Variants in GREM2 observed in about 807,000 individuals in gnomAD.
The protein encoded by GREM2 is gremlin-2.
Under a neutral mutation model 14.2 loss-of-function variants are expected in GREM2, and 11 were observed. The ratio of observed to expected loss-of-function variants is 0.78; its 90% confidence interval spans 0.49 to 1.28. The LOEUF (loss-of-function observed/expected upper bound fraction) is 1.28. GREM2 is among the 50% of genes most tolerant of loss of function. The pLI, the probability that GREM2 is intolerant of heterozygous loss-of-function variation, is 0.00. For synonymous variants in GREM2, 98 were observed against 97.6 expected (o/e 1.00, Z -0.02); for missense variants, 210 against 218.5 (o/e 0.96, Z 0.24).
At chr1:240,564,992 G>C (rs1679148560) in intron 1 of GREM2, among the ~76,000 whole-genome samples, 2 of 152,184 alleles carry the variant, frequency 1.3e-5, no homozygotes, top group Non-Finnish European at 2.9e-5. Context: ...CTTTTTGTCA[G>C]AGTTACATAT....
At chr1:240,547,535 A>AGACAGATAGAT (rs1678766066) in intron 1 of GREM2, among the ~76,000 whole-genome samples, 1 of 136,464 alleles carries the variant, frequency 7.3e-6, no homozygotes, top group Admixed American at 7.0e-5. Context: ...ATATATATAT[A>AGACAGATAGAT]GATAGATAGA....
intron 1 of GREM2, among the ~76,000 whole-genome samples, chr1:240,501,639 C>T (rs1677570424): frequency 6.6e-6 from 1 of 152,066 alleles, no homozygotes; most frequent in African/African-American, 2.4e-5. Context: ...TGCGTTTATA[C>T]ACAAGTGGGC....
chr1:240,541,878 G>A (rs997764397), intron 1 of GREM2, among the ~76,000 whole-genome samples: 1 of 152,154 alleles, frequency 6.6e-6, no homozygotes, highest in African/African-American at 2.4e-5. Context: ...TGAGTGCAGA[G>A]AATCCAGAAT....
At chr1:240,563,055 T>G (rs543586372) in intron 1 of GREM2, among the ~76,000 whole-genome samples, 1 of 149,136 alleles carries the variant, frequency 6.7e-6, no homozygotes, top group Non-Finnish European at 1.5e-5. Flanking sequence ...TGTATGTGTA[T>G]AGTGAGTGTG....
Position 240,492,964 on chromosome 1 carries a change from G to T in GREM2, c.*5C>A, listed in dbSNP as rs201721326. The T allele has an allele frequency of 3.3e-6, 5 of 1,517,362 alleles. No homozygotes were observed. Among genetic ancestry groups the T allele is most frequent in the East Asian group, 4.6e-5 (2 of 43,596 alleles). The allele number at this position is 1,517,362 out of a possible 1,614,324, so 94.0% of individuals were successfully genotyped here. On this transcript the variant is annotated 3_prime_UTR_variant, in exon 2 of 2. Transcript: ENST00000318160. ...CGCGGGGCTGAGCTGCGTCCGGCCC[G>T]GCGCTCACTGCTTGTCCGAGTCGCT...
At chr1:240,608,979 TC>T (rs2102876553) in intron 1 of GREM2, among the ~76,000 whole-genome samples, 1 of 152,126 alleles carries the variant, frequency 6.6e-6, no homozygotes, top group South Asian at 2.1e-4. Context: ...GCATTTATTT[TC>T]CCCCCACACC....
chr1:240,584,660 T>A (rs536099435), intron 1 of GREM2, among the ~76,000 whole-genome samples: 1 of 151,970 alleles, frequency 6.6e-6, no homozygotes, highest in Non-Finnish European at 1.5e-5. Context: ...CAGTGAGCCA[T>A]GATTTCACCA....
chr1:240,518,349 G>A (rs1045145175), intron 1 of GREM2, among the ~76,000 whole-genome samples: 7 of 152,148 alleles, frequency 4.6e-5, no homozygotes, highest in East Asian at 1.9e-4. Flanking sequence ...AAAAATTGCC[G>A]TTTTGAAATA....
At chr1:240,581,958 G>T (rs1330232465) in intron 1 of GREM2, among the ~76,000 whole-genome samples, 1 of 152,204 alleles carries the variant, frequency 6.6e-6, no homozygotes, top group African/African-American at 2.4e-5. Context: ...TAATACAGTG[G>T]TTCTCAAACT....
intron 1 of GREM2, among the ~76,000 whole-genome samples, chr1:240,603,866 A>G (rs1679975871): frequency 1.3e-5 from 2 of 151,528 alleles, no homozygotes; most frequent in South Asian, 4.2e-4. Context: ...GTGTTAGTCC[A>G]TTTGCACTGC....
intron 1 of GREM2, among the ~76,000 whole-genome samples, chr1:240,552,106 A>G (rs796537958): frequency 3.3e-5 from 5 of 152,318 alleles, no homozygotes; most frequent in African/African-American, 1.2e-4. Context: ...TTCTTGTAGC[A>G]GTAATATTAC....
At chr1:240,594,909 G>A (rs1225157837) in intron 1 of GREM2, among the ~76,000 whole-genome samples, 1 of 152,106 alleles carries the variant, frequency 6.6e-6, no homozygotes, top group African/African-American at 2.4e-5. Context: ...GTACTGAATA[G>A]TATAAAGAAA....
chr1:240,590,024 G>A (rs564292839), intron 1 of GREM2, among the ~76,000 whole-genome samples: 2 of 152,278 alleles, frequency 1.3e-5, no homozygotes, highest in South Asian at 2.1e-4. Context: ...GTGGGAGGTG[G>A]AAGAGATGTG....
chr1:240,561,693 T>TACACACACACACAC (rs541661990), intron 1 of GREM2, among the ~76,000 whole-genome samples: 118 of 145,718 alleles, frequency 8.1e-4, no homozygotes, highest in Middle Eastern at 7.0e-3. Flanking sequence ...TAATCCTGCA[T>TACACACACACACAC]ACACACACAC....
At chr1:240,588,336 A>C (rs1350749495) in intron 1 of GREM2, among the ~76,000 whole-genome samples, 9 of 152,150 alleles carry the variant, frequency 5.9e-5, no homozygotes, top group Admixed American at 5.9e-4. Context: ...CATTGCTTGC[A>C]CTTGAATCCT....
chr1:240,504,433 T>A (rs953894209), intron 1 of GREM2, among the ~76,000 whole-genome samples: 1 of 152,232 alleles, frequency 6.6e-6, no homozygotes, highest in Non-Finnish European at 1.5e-5. Flanking sequence ...GGAATCAATA[T>A]ACAAATCCTC....
At chr1:240,493,562 A>C in intron 1 of GREM2, 86 bp from the exon 2 acceptor site, 7 of 1,401,102 alleles carry the variant, frequency 5.0e-6, no homozygotes, top group Non-Finnish European at 6.6e-6. Flanking sequence ...TATTTTAGAC[A>C]TGGTCTGGCT....
chr1:240,571,874 G>T (rs1679269019), intron 1 of GREM2, among the ~76,000 whole-genome samples: 1 of 152,038 alleles, frequency 6.6e-6, no homozygotes, highest in African/African-American at 2.4e-5. Context: ...GATTTTGTTT[G>T]AGCACCAAGG....
intron 1 of GREM2, among the ~76,000 whole-genome samples, chr1:240,557,554 A>G (rs1374768276): frequency 3.3e-5 from 5 of 152,212 alleles, no homozygotes; most frequent in East Asian, 3.8e-4. Context: ...TGATTTTCAA[A>G]TGGAAATTAT....
Sources: allele counts gnomAD v4.1 joint callset (sites outside exome capture counted in the v4.1 genomes callset), GRCh38; gene constraint gnomAD v4.1.1; transcripts MANE v1.5; gene names NCBI Gene and HGNC (gene_info 2026-07-23, HGNC 2026-07-21).